The following NRSN1 variants were observed in gnomAD, a reference collection of about 807,000 sequenced individuals.
NRSN1 encodes the protein neurensin-1.
A neutral mutation model predicts 17.3 loss-of-function variants in NRSN1; 14 were observed. The ratio of observed to expected loss-of-function variants is 0.81; its 90% confidence interval spans 0.54 to 1.27. NRSN1 has a LOEUF of 1.27. Ranked by LOEUF, NRSN1 falls within the 50% of genes most tolerant of loss-of-function variation. NRSN1 has a pLI of 0.00. For synonymous variants in NRSN1, 79 were observed against 94.2 expected (o/e 0.84, Z 0.93); for missense variants, 209 against 235.9 (o/e 0.89, Z 0.75).
At chr6:24,144,123 A>G (rs1716996235) in intron 3 of NRSN1, among the ~76,000 whole-genome samples, 1 of 152,230 alleles carries the variant, frequency 6.6e-6, no homozygotes, top group Non-Finnish European at 1.5e-5. Context: ...CACCTGCACA[A>G]GTATACCCCA....
intron 1 of NRSN1, among the ~76,000 whole-genome samples, chr6:24,126,824 T>C (rs898117849): frequency 2.0e-5 from 3 of 152,228 alleles, no homozygotes; most frequent in African/African-American, 7.2e-5. Flanking sequence ...TCTCAGGACC[T>C]ACTTCTTTGT....
intron 1 of NRSN1, among the ~76,000 whole-genome samples, chr6:24,127,171 G>C (rs1475126317): frequency 2.0e-5 from 3 of 152,160 alleles, no homozygotes; most frequent in Admixed American, 1.3e-4. Context: ...TGAATTTAGT[G>C]ACCTATGATT....
At chr6:24,137,042 T>C (rs1160358853) in intron 3 of NRSN1, among the ~76,000 whole-genome samples, 1 of 152,220 alleles carries the variant, frequency 6.6e-6, no homozygotes, top group African/African-American at 2.4e-5. Context: ...ATGATTCTTT[T>C]TCATGTTTTT....
rs1759978889 is a variant in NRSN1, at chr6:24,128,209, C to G, written c.-10+9C>G. The G allele has an allele frequency of 1.3e-5, 2 of 152,100 alleles. No individual in the cohort carries two copies. Among genetic ancestry groups the G allele is most frequent in the Admixed American group, 1.3e-4 (2 of 15,276 alleles). 9.4% of individuals were successfully genotyped at this position (152,100 alleles called of 1,614,324 possible). On this transcript the variant is annotated intron_variant, in intron 2 of 3. Coordinates refer to ENST00000378491, the MANE Select transcript of NRSN1 (RefSeq NM_080723.5). The stretch of plus-strand genomic sequence containing the variant: ...AAAAGAGGACTTCAAAGGTAGGACT[C>G]AAACCTTATCACATGTAGATTCATA...
chr6:24,129,375 T>G (rs1326398323), intron 2 of NRSN1: 8 of 152,178 alleles, frequency 5.3e-5, no homozygotes, highest in African/African-American at 1.9e-4. Flanking sequence ...TACTCAGGCC[T>G]TCATCCACAC....
At chr6:24,135,885 G>C (rs1760111976) in intron 3 of NRSN1, among the ~76,000 whole-genome samples, 1 of 152,162 alleles carries the variant, frequency 6.6e-6, no homozygotes, top group Non-Finnish European at 1.5e-5. Flanking sequence ...CTGAGAAGAT[G>C]AACCTTAGAT....
At position 24,145,539 on chromosome 6, in the gene NRSN1, T is replaced by C. The variant is rs1242451721; in HGVS notation, c.190-9T>C. On this transcript the variant is annotated splice_polypyrimidine_tract_variant and intron_variant, in intron 3 of 3. Transcript: ENST00000378491. The surrounding 1 kb of genome is among the most constrained non-coding windows in gnomAD (Gnocchi z 4.4). ...ACTCTATCTTGCTTCTGTCATTATCTACCTGTAGGTTGGACTCATCTCAGG... is the reference window on the plus strand; with the variant it reads ...ACTCTATCTTGCTTCTGTCATTATCCACCTGTAGGTTGGACTCATCTCAGG... The C allele has an allele frequency of 4.5e-6, 7 of 1,563,462 alleles. No homozygotes were observed. In the Admixed American group the frequency reaches 5.4e-5, roughly 12 times the overall value.
Position 24,147,257 on chromosome 6 carries a change from C to T in NRSN1, c.*1311C>T, listed in dbSNP as rs1304104455. On this transcript the variant is annotated 3_prime_UTR_variant, in exon 4 of 4. Coordinates refer to ENST00000378491, the MANE Select transcript of NRSN1 (RefSeq NM_080723.5). ...CTTTGTTCTCCAACAAGATGTTCAT[C>T]TCATCACTTGCACTTTTGTTTTAAT... is the stretch of plus-strand genomic sequence containing the variant. 1 of 152,152 alleles carries T rather than the reference C, an allele frequency of 6.6e-6. No homozygotes were observed. The highest frequency in any genetic ancestry group is 1.5e-5 in the Non-Finnish European group (1 of 68,034). 9.4% of individuals were successfully genotyped at this position (152,152 alleles called of 1,614,324 possible).
At chr6:24,138,083 T>G (rs1760144192) in intron 3 of NRSN1, among the ~76,000 whole-genome samples, 1 of 152,056 alleles carries the variant, frequency 6.6e-6, no homozygotes, top group Non-Finnish European at 1.5e-5. Context: ...AATAGAAATT[T>G]CTCCGTAACA....
intron 3 of NRSN1, among the ~76,000 whole-genome samples, chr6:24,137,368 ATTCTGATGTAAATAAG>A (rs909697917): frequency 6.6e-6 from 1 of 152,156 alleles, no homozygotes; most frequent in Non-Finnish European, 1.5e-5. Flanking sequence ...AGGCTCTGGG[ATTCTGATGTAAATAAG>A]ATCTTCTTTT....
Position 24,134,395 on chromosome 6 carries a change from G to A in NRSN1, c.68G>A (p.Arg23His), listed in dbSNP as rs147225867. Residue 23 changes from arginine to histidine, a missense_variant, in exon 3 of 4, where the codon CGC becomes CAC. Coordinates refer to ENST00000378491, the MANE Select transcript of NRSN1 (RefSeq NM_080723.5). ...AQAAAEGGYQ[R>H]YGVRSYLHQF... ...GCTGCAGCTGAGGGTGGTTACCAGC[G>A]CTATGGAGTCCGGTCCTACCTGCAC... is the stretch of plus-strand genomic sequence containing the variant. 3.8e-5 allele frequency: 61 copies of A among 1,613,990 alleles called. No individual in the cohort carries two copies. The highest frequency in any genetic ancestry group is 9.3e-5 in the African/African-American group (7 of 74,904).
chr6:24,142,769 T>C (rs928621241), intron 3 of NRSN1, among the ~76,000 whole-genome samples: 1 of 152,150 alleles, frequency 6.6e-6, no homozygotes, highest in African/African-American at 2.4e-5. Flanking sequence ...TTACAACTCA[T>C]AAAGGTAGTG....
At chr6:24,126,574 T>C (rs1759951532) in intron 1 of NRSN1, among the ~76,000 whole-genome samples, 1 of 152,030 alleles carries the variant, frequency 6.6e-6, no homozygotes, top group Admixed American at 6.5e-5. Context: ...GCTAGCTCCA[T>C]GCTTTGGTGG....
rs1561869281 is a variant in NRSN1, at chr6:24,147,353, C to CG, written c.*1407_*1408insG. 6.6e-6 allele frequency: 1 copy of CG among 150,884 alleles called. No homozygotes were observed. Among genetic ancestry groups the CG allele is most frequent in the East Asian group, 2.0e-4 (1 of 4,968 alleles). The allele number at this position is 150,884 out of a possible 1,614,324, so 9.3% of individuals were successfully genotyped here. On this transcript the variant is annotated 3_prime_UTR_variant, in exon 4 of 4. Transcript: ENST00000378491. ...AAATTGTGCCACCTTAGAGCCCCCC[C>CG]CCTTTTTTTTTTCTTCCTTCACTGG...
chr6:24,146,249 T>C lies in NRSN1; in HGVS notation c.*303T>C, dbSNP rs904504436. The C allele has an allele frequency of 4.9e-6, 3 of 607,104 alleles. No homozygotes were observed. The highest frequency in any genetic ancestry group is 1.8e-5 in the African/African-American group (1 of 55,098). The allele number at this position is 607,104 out of a possible 1,614,324, so 37.6% of individuals were successfully genotyped here. ...GACTTTGTGTTATTTTCCGTGTTGT[T>C]TGAAAGTGCCGAACAGTTTAGACCA... On this transcript the variant is annotated 3_prime_UTR_variant, in exon 4 of 4. Transcript: ENST00000378491.
intron 3 of NRSN1, chr6:24,141,053 G>A: frequency 6.8e-7 from 1 of 1,466,638 alleles, no homozygotes; most frequent in Admixed American, 2.4e-5. Context: ...TCGCCATTGG[G>A]ATTGGCCTTA....
rs941273762 is a variant in NRSN1, at chr6:24,145,075, A to G, written c.190-473A>G. On this transcript the variant is annotated intron_variant, in intron 3 of 3. Coordinates refer to ENST00000378491, the MANE Select transcript of NRSN1 (RefSeq NM_080723.5). The surrounding 1 kb of genome is among the most constrained non-coding windows in gnomAD (Gnocchi z 4.4). Reference sequence around the variant, plus strand: ...ATATAATATATATCTTTAGGTATATAATATATATTATATATTTTATATATA... The same window carrying G: ...ATATAATATATATCTTTAGGTATATGATATATATTATATATTTTATATATA... Among the ~76,000 whole-genome samples, 1 of 145,210 alleles carries G rather than the reference A, an allele frequency of 6.9e-6. No individual in the cohort carries two copies. The highest frequency in any genetic ancestry group is 2.5e-5 in the African/African-American group (1 of 39,936).
At chr6:24,138,238 T>C (rs1760146390) in intron 3 of NRSN1, among the ~76,000 whole-genome samples, 1 of 152,144 alleles carries the variant, frequency 6.6e-6, no homozygotes, top group African/African-American at 2.4e-5. Flanking sequence ...TCAGAGGTCC[T>C]AGGTTGCTGC....
At chr6:24,138,002 AAG>A (rs1760143184) in intron 3 of NRSN1, among the ~76,000 whole-genome samples, 1 of 152,166 alleles carries the variant, frequency 6.6e-6, no homozygotes, top group African/African-American at 2.4e-5. Flanking sequence ...AAAGTTGAAG[AAG>A]AGGAGTCAGG....
Sources: gnomAD v4.1 joint callset for allele counts (sites outside exome capture counted in the v4.1 genomes callset) on GRCh38, gnomAD v4.1.1 for gene constraint, Gnocchi (gnomAD v3.1) non-coding constraint, MANE v1.5 for transcripts, NCBI Gene and HGNC (gene_info 2026-07-23, HGNC 2026-07-21) for gene names.